Variants in ANKRD36 observed in about 807,000 individuals in gnomAD.
ANKRD36 encodes ankyrin repeat domain-containing protein 36A.
Under a neutral mutation model 278.1 loss-of-function variants are expected in ANKRD36, and 179 were observed. The observed-to-expected ratio is 0.64, with a 90% CI of 0.57 to 0.73. The LOEUF (loss-of-function observed/expected upper bound fraction) is 0.73, where lower values mean the gene tolerates loss of function less well. ANKRD36 is among the 30% of genes least tolerant of loss of function. ANKRD36 has a pLI of 0.00. For synonymous variants in ANKRD36, 320 were observed against 641.1 expected (o/e 0.50, Z 7.57); for missense variants, 1,159 against 1,956.7 (o/e 0.59, Z 7.69).
rs1354374697 is a variant in ANKRD36, at chr2:97,199,678, G to T, written c.2756-656G>T. On this transcript the variant is annotated intron_variant, in intron 44 of 75. Transcript: ENST00000420699. Reference sequence around the variant, plus strand: ...CTAATATATTATCCTTCGGTGCCAAGAGTGGATGAAGAAACTTTCGGAAGG... The same window carrying T: ...CTAATATATTATCCTTCGGTGCCAATAGTGGATGAAGAAACTTTCGGAAGG... Among the ~76,000 whole-genome samples, 3 of 151,876 alleles carry T rather than the reference G, an allele frequency of 2.0e-5. No individual in the cohort carries two copies. In the East Asian group the frequency reaches 5.8e-4, roughly 30 times the overall value.
intron 67 of ANKRD36, among the ~76,000 whole-genome samples, chr2:97,229,904 T>A (rs1392814422): frequency 5.9e-5 from 9 of 152,096 alleles, no homozygotes; most frequent in African/African-American, 2.2e-4. Context: ...TGAAGCTTAG[T>A]TTGGCAGGAT....
chr2:97,123,168 A>T (rs189526421), intron 4 of ANKRD36, among the ~76,000 whole-genome samples, 175 bp downstream of exon 4: 1 of 152,104 alleles, frequency 6.6e-6, no homozygotes, highest in East Asian at 1.9e-4. Flanking sequence ...ATTTGGACTG[A>T]GTAACATAAA....
intron 10 of ANKRD36, among the ~76,000 whole-genome samples, 152 bp downstream of exon 10, chr2:97,144,864 A>G (rs534860342): frequency 6.6e-6 from 1 of 152,084 alleles, no homozygotes; most frequent in South Asian, 2.1e-4. Flanking sequence ...AGTGATGGTG[A>G]TTCTGCTGAT....
intron 48 of ANKRD36, among the ~76,000 whole-genome samples, chr2:97,203,854 A>G (rs1236107534): frequency 1.3e-5 from 2 of 151,924 alleles, no homozygotes; most frequent in East Asian, 1.9e-4. Flanking sequence ...AAATCATACC[A>G]TGTTTGAAAT....
chr2:97,126,184 TC>T (rs1460822883), intron 5 of ANKRD36, among the ~76,000 whole-genome samples: 1 of 135,374 alleles, frequency 7.4e-6, no homozygotes, highest in Admixed American at 7.9e-5. Flanking sequence ...TGAGAAAATG[TC>T]AACTTGCATC....
At chr2:97,180,954 A>T (rs890136388) in intron 24 of ANKRD36, among the ~76,000 whole-genome samples, 10 of 151,700 alleles carry the variant, frequency 6.6e-5, no homozygotes, top group African/African-American at 2.2e-4. Context: ...GTTTGTTGCC[A>T]TGAGCGGATG....
At chr2:97,175,262 CTT>C (rs1211279449) in intron 22 of ANKRD36, among the ~76,000 whole-genome samples, 1 of 147,320 alleles carries the variant, frequency 6.8e-6, no homozygotes, top group Non-Finnish European at 1.5e-5. Flanking sequence ...GTCCTGGACT[CTT>C]TTTGGTTGGT....
chr2:97,187,133 C>T (rs905309320), intron 30 of ANKRD36, 65 bp from the exon 31 acceptor site: 5 of 1,600,660 alleles, frequency 3.1e-6, no homozygotes, highest in African/African-American at 2.7e-5. Context: ...GCTAACACCG[C>T]ATGAATGTAT....
intron 12 of ANKRD36, among the ~76,000 whole-genome samples, chr2:97,151,313 A>G (rs935100305): frequency 2.0e-5 from 3 of 151,070 alleles, no homozygotes; most frequent in Non-Finnish European, 3.0e-5. Context: ...AAGGTGGATG[A>G]TTGCTTTTTT....
intron 10 of ANKRD36, 101 bp downstream of exon 10, chr2:97,144,813 A>G: frequency 7.1e-7 from 1 of 1,404,574 alleles, no homozygotes; most frequent in Non-Finnish European, 9.6e-7. Flanking sequence ...GCGCATTCTG[A>G]TTCAGCGGGC....
At chr2:97,128,329 G>C (rs2039161389) in intron 6 of ANKRD36, among the ~76,000 whole-genome samples, 1 of 151,980 alleles carries the variant, frequency 6.6e-6, no homozygotes, top group South Asian at 2.1e-4. Flanking sequence ...GAAAAAAAGA[G>C]TTGGTAAAGG....
chr2:97,216,470 T>C (rs1356888209), intron 62 of ANKRD36, among the ~76,000 whole-genome samples: 1 of 152,098 alleles, frequency 6.6e-6, no homozygotes, highest in Non-Finnish European at 1.5e-5. Context: ...TATGTCAAAA[T>C]TGATAATTGA....
intron 3 of ANKRD36, 97 bp from the exon 4 acceptor site, chr2:97,122,790 T>C: frequency 8.8e-7 from 1 of 1,130,782 alleles, no homozygotes; most frequent in Non-Finnish European, 1.2e-6. Flanking sequence ...TTCAATTGTA[T>C]ATATTGAAGC....
At chr2:97,123,383 GT>G (rs2037472907) in intron 4 of ANKRD36, among the ~76,000 whole-genome samples, 1 of 106,980 alleles carries the variant, frequency 9.3e-6, no homozygotes, top group African/African-American at 2.7e-5. Context: ...TTTCTACTGT[GT>G]TTTGATGTTG....
At chr2:97,198,525 A>G in intron 43 of ANKRD36, 34 bp downstream of exon 43, 2 of 1,569,856 alleles carry the variant, frequency 1.3e-6, no homozygotes, top group Non-Finnish European at 1.7e-6. Flanking sequence ...GTGACCTAGT[A>G]AATGCATAGT....
Position 97,174,120 on chromosome 2 carries a change from A to G in ANKRD36, c.1634-5618A>G, listed in dbSNP as rs565325347. ...CTCTAGTGATTTAGAAACTTTGTTT[A>G]GTTTATTTTCATAGGAATCTGATTA... is the stretch of plus-strand genomic sequence containing the variant. On this transcript the variant is annotated intron_variant, in intron 22 of 75. Coordinates refer to ENST00000420699, the MANE Select transcript of ANKRD36 (RefSeq NM_001354587.1). Among the ~76,000 whole-genome samples, 3 of 151,594 alleles carry G rather than the reference A, an allele frequency of 2.0e-5. No homozygotes were observed. The South Asian group carries it at 6.3e-4, about 32-fold the overall frequency.
At chr2:97,231,796 G>A (rs1485208043) in intron 67 of ANKRD36, among the ~76,000 whole-genome samples, 1 of 152,086 alleles carries the variant, frequency 6.6e-6, no homozygotes, top group Non-Finnish European at 1.5e-5. Flanking sequence ...CAAAGAATTT[G>A]CTTTTCTTAC....
Position 97,206,613 on chromosome 2 carries a change from A to G in ANKRD36, c.3163+478A>G, listed in dbSNP as rs1011034205. On this transcript the variant is annotated intron_variant, in intron 52 of 75. Coordinates refer to ENST00000420699, the MANE Select transcript of ANKRD36 (RefSeq NM_001354587.1). ...ACGGATTGTGAGGCAGGAAGGTGTG[A>G]AAAGAAGAAGTCATTTATATAATTT... Among the ~76,000 whole-genome samples the G allele has an allele frequency of 3.3e-5, 5 of 151,578 alleles. 1 individual carries two copies. Among genetic ancestry groups the G allele is most frequent in the Admixed American group, 2.6e-4 (4 of 15,142 alleles).
chr2:97,177,372 C>A (rs1298509456), intron 22 of ANKRD36, among the ~76,000 whole-genome samples: 3 of 151,892 alleles, frequency 2.0e-5, no homozygotes, highest in African/African-American at 7.2e-5. Context: ...ATCGCCAAGT[C>A]AATCCTAAGC....
Sources: allele counts gnomAD v4.1 joint callset (sites outside exome capture counted in the v4.1 genomes callset), GRCh38; gene constraint gnomAD v4.1.1; transcripts MANE v1.5; gene names NCBI Gene and HGNC (gene_info 2026-07-23, HGNC 2026-07-21).